The following SPOPL variants were observed in gnomAD, a reference collection of about 807,000 sequenced individuals.
SPOPL encodes the protein speckle-type POZ protein-like.
A neutral mutation model predicts 53.8 loss-of-function variants in SPOPL; 23 were observed. The observed-to-expected ratio is 0.43, with a 90% confidence interval of 0.31 to 0.61. The LOEUF is 0.61. Among genes scored for constraint, SPOPL ranks in the 20% least tolerant of loss-of-function variants. The pLI, the probability that SPOPL is intolerant of heterozygous loss-of-function variation, is 0.12. For missense variants in SPOPL, 442 were observed against 466.9 expected, an observed-to-expected ratio of 0.95 and a Z score of 0.49; for synonymous variants, 164 against 149.7, an observed-to-expected ratio of 1.10 and a Z score of -0.70.
chr2:138,518,586 C>A (rs1468001039), intron 1 of SPOPL, among the ~76,000 whole-genome samples: 1 of 152,154 alleles, frequency 6.6e-6, no homozygotes, highest in East Asian at 1.9e-4. Context: ...ACCATTGAAA[C>A]AACAGCCAAA....
At chr2:138,502,655 C>T (rs1684131181) in intron 1 of SPOPL, among the ~76,000 whole-genome samples, 1 of 152,136 alleles carries the variant, frequency 6.6e-6, no homozygotes, top group Non-Finnish European at 1.5e-5. Context: ...GGTGGTCATG[C>T]CTTTAACCTC....
chr2:138,518,502 AAGTTTCT>A (rs1684493344), intron 1 of SPOPL, among the ~76,000 whole-genome samples: 1 of 152,222 alleles, frequency 6.6e-6, no homozygotes, highest in African/African-American at 2.4e-5. Flanking sequence ...TATAAAACCT[AAGTTTCT>A]TTAATTTACA....
chr2:138,566,097 T>A (rs1685654236), intron 10 of SPOPL, among the ~76,000 whole-genome samples: 1 of 152,208 alleles, frequency 6.6e-6, no homozygotes, highest in Non-Finnish European at 1.5e-5. Flanking sequence ...TGCTTTAATC[T>A]GTTTTGATAT....
intron 1 of SPOPL, among the ~76,000 whole-genome samples, chr2:138,541,527 G>C (rs1573892542): frequency 6.6e-6 from 1 of 152,320 alleles, no homozygotes; most frequent in East Asian, 1.9e-4. Flanking sequence ...TAGTTTATTT[G>C]CATAGAGGTG....
chr2:138,545,978 A>G (rs13004492), intron 1 of SPOPL, among the ~76,000 whole-genome samples: 18,334 of 152,238 alleles, frequency 0.12, 1,400 homozygotes, highest in East Asian at 0.26. Flanking sequence ...AATTCAGGAT[A>G]CAGGTTACTT....
intron 1 of SPOPL, among the ~76,000 whole-genome samples, chr2:138,506,692 A>G (rs551041632): frequency 5.9e-5 from 9 of 152,184 alleles, no homozygotes; most frequent in South Asian, 2.1e-4. Flanking sequence ...TCATTTTTCA[A>G]TTGGAGACTT....
intron 7 of SPOPL, among the ~76,000 whole-genome samples, chr2:138,559,635 G>C (rs1301632220): frequency 6.6e-6 from 1 of 152,112 alleles, no homozygotes; most frequent in Non-Finnish European, 1.5e-5. Flanking sequence ...TATTTGAGAA[G>C]TCTCTGTTCA....
At chr2:138,509,694 T>C (rs1684288272) in intron 1 of SPOPL, among the ~76,000 whole-genome samples, 3 of 152,194 alleles carry the variant, frequency 2.0e-5, no homozygotes, top group Non-Finnish European at 4.4e-5. Context: ...CATACAGACA[T>C]AGCCTCCTCC....
At chr2:138,532,694 G>A (rs185397780) in intron 1 of SPOPL, among the ~76,000 whole-genome samples, 6 of 148,496 alleles carry the variant, frequency 4.0e-5, no homozygotes, top group East Asian at 2.0e-4. Flanking sequence ...TGCCCGCCTC[G>A]GCCTCCCAAA....
chr2:138,503,573 A>G (rs1684151373), intron 1 of SPOPL, among the ~76,000 whole-genome samples: 1 of 152,222 alleles, frequency 6.6e-6, no homozygotes. Context: ...TTGTTATTGT[A>G]TAAATTAATT....
chr2:138,504,206 C>A (rs1262071648), intron 1 of SPOPL, among the ~76,000 whole-genome samples: 3 of 152,122 alleles, frequency 2.0e-5, no homozygotes, highest in African/African-American at 7.2e-5. Context: ...AGTTTAAAAT[C>A]ATTCTTGTGC....
intron 5 of SPOPL, among the ~76,000 whole-genome samples, chr2:138,557,024 C>T (rs964892404): frequency 1.3e-5 from 2 of 151,940 alleles, no homozygotes; most frequent in African/African-American, 4.8e-5. Flanking sequence ...GGAGTGGTGG[C>T]AGGCACCTGT....
chr2:138,552,567 A>G lies in SPOPL; in HGVS notation c.366A>G (p.Ala122=), dbSNP rs753988490. 3.1e-6 allele frequency: 5 copies of G among 1,610,412 alleles called. No homozygotes were observed. The South Asian group carries it at 3.3e-5, about 11-fold the overall frequency. Residue 122 remains alanine, a synonymous_variant, in exon 5 of 11, where the codon GCA becomes GCG. Coordinates refer to ENST00000280098, the MANE Select transcript of SPOPL (RefSeq NM_001001664.3). ...GTTTTCCACCAGAAAGCCAAAGAGCATATCGATTTGTGCAAGGGAAGGACT... is the reference window on the plus strand; with the variant it reads ...GTTTTCCACCAGAAAGCCAAAGAGCGTATCGATTTGTGCAAGGGAAGGACT... ...EETKAMESQR[A]YRFVQGKDWG... is the part of the protein sequence containing the mutation.
chr2:138,544,104 AGAG>A (rs1165818978), intron 1 of SPOPL, among the ~76,000 whole-genome samples: 2 of 152,192 alleles, frequency 1.3e-5, no homozygotes, highest in Admixed American at 1.3e-4. Context: ...GTTTTGTCTC[AGAG>A]GAGTACCCGG....
chr2:138,548,268 T>C (rs528721609), intron 1 of SPOPL, among the ~76,000 whole-genome samples: 140 of 150,440 alleles, frequency 9.3e-4, no homozygotes, highest in African/African-American at 3.2e-3. Context: ...TTGGTAATCA[T>C]TCTTCTGTGA....
intron 8 of SPOPL, among the ~76,000 whole-genome samples, chr2:138,562,261 A>T (rs1475957022): frequency 6.6e-6 from 1 of 152,000 alleles, no homozygotes; most frequent in Non-Finnish European, 1.5e-5. Context: ...ACACTACTTG[A>T]TATCATGACT....
chr2:138,547,061 A>T (rs913308816), intron 1 of SPOPL, among the ~76,000 whole-genome samples: 1 of 152,050 alleles, frequency 6.6e-6, no homozygotes, highest in African/African-American at 2.4e-5. Flanking sequence ...CACCTCCCAG[A>T]TTGAAACAAT....
At chr2:138,558,588 T>C (rs1402853189) in intron 5 of SPOPL, among the ~76,000 whole-genome samples, 2 of 152,050 alleles carry the variant, frequency 1.3e-5, no homozygotes, top group Non-Finnish European at 2.9e-5. Flanking sequence ...AAAAAGTCAT[T>C]TTGACTTTTA....
Position 138,505,947 on chromosome 2 carries a change from C to T in SPOPL, c.-61+3828C>T, listed in dbSNP as rs557299531. 2.0e-5 allele frequency among the ~76,000 whole-genome samples: 3 copies of T among 152,158 alleles called. No individual in the cohort carries two copies. The South Asian group carries it at 6.2e-4, about 32-fold the overall frequency. On this transcript the variant is annotated intron_variant, in intron 1 of 10. Transcript: ENST00000280098. ...ATGTTGGCAATTTCAACTTTCTGGACCTGGAAGGTCCAGTAAGAACTGAAC... is the reference window on the plus strand; with the variant it reads ...ATGTTGGCAATTTCAACTTTCTGGATCTGGAAGGTCCAGTAAGAACTGAAC...
Sources: allele counts gnomAD v4.1 joint callset (sites outside exome capture counted in the v4.1 genomes callset), GRCh38; gene constraint gnomAD v4.1.1; transcripts MANE v1.5; gene names NCBI Gene and HGNC (gene_info 2026-07-23, HGNC 2026-07-21).